The following LRMDA variants were observed in gnomAD, a reference collection of about 807,000 sequenced individuals.
LRMDA encodes the protein leucine rich melanocyte differentiation associated, also known as leucine-rich melanocyte differentiation-associated protein.
A neutral mutation model predicts 29.8 loss-of-function variants in LRMDA; 18 were observed. The observed-to-expected ratio is 0.60, with a 90% CI of 0.42 to 0.90. LRMDA has a LOEUF of 0.90. Ranked by LOEUF, LRMDA falls within the 40% of genes least tolerant of loss-of-function variation. LRMDA has a pLI of 0.00. For synonymous variants in LRMDA, 125 were observed against 109.4 expected (o/e 1.14, Z -0.89); for missense variants, 273 against 273.9 (o/e 1.00, Z 0.02).
intron 2 of LRMDA, among the ~76,000 whole-genome samples, chr10:75,479,688 C>T (rs956347275): frequency 1.3e-5 from 2 of 151,766 alleles, no homozygotes; most frequent in African/African-American, 4.8e-5. Flanking sequence ...CATCTCTGTC[C>T]TCATAAAGCT....
At chr10:76,478,079 GC>G (rs1264587182) in intron 6 of LRMDA, among the ~76,000 whole-genome samples, 1 of 152,078 alleles carries the variant, frequency 6.6e-6, no homozygotes, top group Non-Finnish European at 1.5e-5. Context: ...AAGAGCTTCT[GC>G]ACAGCAAAAG....
intron 2 of LRMDA, among the ~76,000 whole-genome samples, chr10:75,997,743 T>A (rs145877276): frequency 6.6e-6 from 1 of 152,342 alleles, no homozygotes; most frequent in Non-Finnish European, 1.5e-5. Context: ...GACAGCACCT[T>A]GGCAAAGCTA....
chr10:75,484,360 C>T (rs1480301878), intron 2 of LRMDA, among the ~76,000 whole-genome samples: 1 of 152,116 alleles, frequency 6.6e-6, no homozygotes, highest in African/African-American at 2.4e-5. Context: ...AGTGATATCA[C>T]TACTTAGCTG....
intron 2 of LRMDA, among the ~76,000 whole-genome samples, chr10:76,002,703 G>C (rs1341883575): frequency 6.6e-6 from 1 of 152,194 alleles, no homozygotes; most frequent in African/African-American, 2.4e-5. Context: ...AGGGAGACAG[G>C]CCAGGAGCAT....
At chr10:76,529,969 A>G (rs573259282) in intron 6 of LRMDA, among the ~76,000 whole-genome samples, 82 of 152,270 alleles carry the variant, frequency 5.4e-4, no homozygotes, top group Non-Finnish European at 7.5e-4. Flanking sequence ...GAGGCCAAGC[A>G]TAAGGGCTGA....
chr10:76,441,830 A>T (rs1294152033), intron 6 of LRMDA, among the ~76,000 whole-genome samples: 1 of 152,188 alleles, frequency 6.6e-6, no homozygotes, highest in Non-Finnish European at 1.5e-5. Context: ...CAATAATCAT[A>T]GGTATTAAGT....
At chr10:76,438,761 CTTT>C (rs1437886341) in intron 6 of LRMDA, 2 of 152,140 alleles carry the variant, frequency 1.3e-5, no homozygotes, top group African/African-American at 4.8e-5. Flanking sequence ...TTTCTCGATT[CTTT>C]ATTACTGTGG....
rs145050201 is a variant in LRMDA at position 75,495,574 on chromosome 10, C to T, written c.131+57080C>T. Among the ~76,000 whole-genome samples the T allele has an allele frequency of 1.9e-3, 290 of 152,312 alleles. 1 individual carries two copies. Among genetic ancestry groups the T allele is most frequent in the Non-Finnish European group, 3.5e-3 (240 of 68,030 alleles). ...CTTTTTGCCCTTCATTGGATCATGA[C>T]TGTCACTTATCTCTAGAAACTTCCC... On this transcript the variant is annotated intron_variant, in intron 2 of 6. Coordinates refer to ENST00000611255, the MANE Select transcript of LRMDA (RefSeq NM_001305581.2).
At chr10:75,714,083 T>G (rs1842469753) in intron 2 of LRMDA, among the ~76,000 whole-genome samples, 1 of 152,182 alleles carries the variant, frequency 6.6e-6, no homozygotes, top group East Asian at 1.9e-4. Flanking sequence ...TCTAAGAAAT[T>G]TCAGCCCTAG....
In LRMDA at chr10:75,440,547, T is replaced by C. The variant is rs567016179; in HGVS notation, c.131+2053T>C. Among the ~76,000 whole-genome samples the C allele has an allele frequency of 3.5e-4, 53 of 152,162 alleles. No homozygotes were observed. The South Asian group carries it at 0.011, about 32-fold the overall frequency. ...GGAGAAAAGCACTCCTGACTTGAGTTGGGTGTGCTTGGGACTGGATCACCT... is the reference window on the plus strand; with the variant it reads ...GGAGAAAAGCACTCCTGACTTGAGTCGGGTGTGCTTGGGACTGGATCACCT... On this transcript the variant is annotated intron_variant, in intron 2 of 6. Coordinates refer to ENST00000611255, the MANE Select transcript of LRMDA (RefSeq NM_001305581.2).
chr10:75,691,780 GT>G (rs1564541389), intron 2 of LRMDA, among the ~76,000 whole-genome samples: 2 of 152,286 alleles, frequency 1.3e-5, no homozygotes, highest in African/African-American at 4.8e-5. Context: ...AGCTAAGGAA[GT>G]TTTTTAACCC....
In LRMDA at chr10:75,456,354, C is replaced by T. The variant is rs574363375; in HGVS notation, c.131+17860C>T. ...CCTGTGGGCTGGCTCTGTGCTCGTT[C>T]AGAAGGGGAGGAACCAAAACTTGAA... is the stretch of plus-strand genomic sequence containing the variant. On this transcript the variant is annotated intron_variant, in intron 2 of 6. Transcript: ENST00000611255. Among the ~76,000 whole-genome samples the T allele has an allele frequency of 4.8e-4, 73 of 152,392 alleles. 1 individual carries two copies. The highest frequency in any genetic ancestry group is 3.4e-3 in the Middle Eastern group (1 of 294).
chr10:75,733,082 G>A (rs1842718487), intron 2 of LRMDA, among the ~76,000 whole-genome samples: 2 of 152,168 alleles, frequency 1.3e-5, no homozygotes, highest in African/African-American at 4.8e-5. Context: ...TAATCCAGTG[G>A]TCTCCAATTT....
intron 2 of LRMDA, among the ~76,000 whole-genome samples, chr10:75,976,292 G>A (rs1244799576): frequency 6.6e-6 from 1 of 152,188 alleles, no homozygotes; most frequent in African/African-American, 2.4e-5. Context: ...TATTCCTTTT[G>A]TATACAACAT....
intron 2 of LRMDA, among the ~76,000 whole-genome samples, chr10:75,543,384 A>G (rs1467279377): frequency 6.6e-6 from 1 of 152,204 alleles, no homozygotes; most frequent in South Asian, 2.1e-4. Flanking sequence ...ACTTTGGAAT[A>G]CCACAATACT....
At chr10:75,868,471 T>C (rs1589234681) in intron 2 of LRMDA, among the ~76,000 whole-genome samples, 2 of 152,252 alleles carry the variant, frequency 1.3e-5, no homozygotes, top group East Asian at 3.8e-4. Context: ...GTTGTCATTA[T>C]ATGAATGTAA....
intron 2 of LRMDA, among the ~76,000 whole-genome samples, chr10:75,614,593 C>T (rs539973380): frequency 1.3e-5 from 2 of 152,260 alleles, no homozygotes; most frequent in African/African-American, 4.8e-5. Flanking sequence ...CTATCCCAGC[C>T]CAACTTCCTT....
At chr10:76,388,500 C>T (rs561170961) in intron 6 of LRMDA, among the ~76,000 whole-genome samples, 2 of 152,356 alleles carry the variant, frequency 1.3e-5, no homozygotes, top group South Asian at 2.1e-4. Context: ...GAAATGCCTA[C>T]ATACTCCTTG....
chr10:76,463,533 T>C (rs1246729001), intron 6 of LRMDA, among the ~76,000 whole-genome samples: 1 of 152,158 alleles, frequency 6.6e-6, no homozygotes, highest in Non-Finnish European at 1.5e-5. Flanking sequence ...GTAATTTACT[T>C]CTTCCAGGGC....
Sources: allele counts gnomAD v4.1 joint callset (sites outside exome capture counted in the v4.1 genomes callset), GRCh38; gene constraint gnomAD v4.1.1; transcripts MANE v1.5; gene names NCBI Gene and HGNC (gene_info 2026-07-23, HGNC 2026-07-21).